Variants in PRKG1 observed in about 807,000 individuals in gnomAD.
The protein encoded by PRKG1 is protein kinase cGMP-dependent 1, also known as cGMP-dependent protein kinase 1.
Under a neutral mutation model 88.1 loss-of-function variants are expected in PRKG1, and 35 were observed. That is an observed-to-expected ratio of 0.40 (90% CI 0.30 to 0.53). The LOEUF is 0.53. PRKG1 is among the 20% of genes least tolerant of loss of function. PRKG1 has a pLI of 0.59. For missense variants in PRKG1, 540 were observed against 839.8 expected (o/e 0.64, Z 4.41); for synonymous variants, 303 against 292.5 (o/e 1.04, Z -0.37).
intron 10 of PRKG1, among the ~76,000 whole-genome samples, chr10:52,260,970 T>A (rs1234936428): frequency 6.6e-6 from 1 of 151,840 alleles, no homozygotes; most frequent in Non-Finnish European, 1.5e-5. Context: ...CAACCCTTTG[T>A]TCACAGTATA....
intron 5 of PRKG1, among the ~76,000 whole-genome samples, chr10:51,937,659 T>C (rs1418435360): frequency 6.6e-6 from 1 of 152,010 alleles, no homozygotes; most frequent in African/African-American, 2.4e-5. Context: ...GTTTTCCTTT[T>C]TATGTTAACT....
Position 51,994,328 on chromosome 10 carries a change from T to A in PRKG1, c.763-60156T>A, listed in dbSNP as rs146019868. 6.6e-3 allele frequency among the ~76,000 whole-genome samples: 1,012 copies of A among 152,284 alleles called. 11 individuals are homozygous for A. Among genetic ancestry groups the A allele is most frequent in the African/African-American group, 0.024 (981 of 41,572 alleles). The stretch of plus-strand genomic sequence containing the variant: ...TCAGATAAAACTACATTGATCAAGG[T>A]CTCCTCGTGGCCCTATATTGCTGAC... On this transcript the variant is annotated intron_variant, in intron 5 of 17. Transcript: ENST00000373980.
At chr10:51,164,599 C>T (rs1347306203) in intron 2 of PRKG1, among the ~76,000 whole-genome samples, 18 of 152,082 alleles carry the variant, frequency 1.2e-4, no homozygotes, top group African/African-American at 2.2e-4. Context: ...CAAACTACTC[C>T]GAGCTACAGG....
At chr10:51,698,361 C>A in intron 3 of PRKG1, 1 of 1,614,160 alleles carries the variant, frequency 6.2e-7, no homozygotes, top group African/African-American at 1.3e-5. Flanking sequence ...ATCATGGGGC[C>A]TCTGGGCTCT....
At chr10:51,283,719 G>GA (rs1042420569) in intron 2 of PRKG1, among the ~76,000 whole-genome samples, 1 of 151,974 alleles carries the variant, frequency 6.6e-6, no homozygotes, top group Non-Finnish European at 1.5e-5. Context: ...CACAAATAAA[G>GA]AAAAAATTAT....
intron 2 of PRKG1, among the ~76,000 whole-genome samples, chr10:51,409,281 T>A (rs1471666340): frequency 6.6e-5 from 10 of 152,166 alleles, no homozygotes; most frequent in Non-Finnish European, 1.5e-4. Flanking sequence ...AGGCCATCGA[T>A]GCAGGCTGGG....
At chr10:51,730,981 C>T (rs1375799795) in intron 3 of PRKG1, among the ~76,000 whole-genome samples, 1 of 152,068 alleles carries the variant, frequency 6.6e-6, no homozygotes, top group African/African-American at 2.4e-5. Context: ...CATGATGAAA[C>T]CCTGTCTCTA....
At chr10:51,966,387 A>AT (rs948351852) in intron 5 of PRKG1, among the ~76,000 whole-genome samples, 5 of 151,868 alleles carry the variant, frequency 3.3e-5, no homozygotes, top group Non-Finnish European at 5.9e-5. Flanking sequence ...TGAATTCAAC[A>AT]TTTTTTTGTG....
At chr10:51,182,337 A>C (rs1292913832) in intron 2 of PRKG1, among the ~76,000 whole-genome samples, 1 of 152,218 alleles carries the variant, frequency 6.6e-6, no homozygotes, top group African/African-American at 2.4e-5. Flanking sequence ...ATTATGCCTG[A>C]GAATGGATTT....
At chr10:51,575,806 C>A (rs1837871246) in intron 3 of PRKG1, among the ~76,000 whole-genome samples, 1 of 151,618 alleles carries the variant, frequency 6.6e-6, no homozygotes, top group Non-Finnish European at 1.5e-5. Flanking sequence ...TATATTAATT[C>A]TAATACACTA....
At chr10:51,219,649 G>T (rs1315357380) in intron 2 of PRKG1, among the ~76,000 whole-genome samples, 1 of 151,880 alleles carries the variant, frequency 6.6e-6, no homozygotes, top group Non-Finnish European at 1.5e-5. Flanking sequence ...GGCAGAGGTT[G>T]CAGTGAGCCA....
intron 3 of PRKG1, among the ~76,000 whole-genome samples, chr10:51,620,446 C>G (rs1251738229): frequency 6.6e-6 from 1 of 151,940 alleles, no homozygotes; most frequent in Non-Finnish European, 1.5e-5. Flanking sequence ...ATTCTTCCTG[C>G]CTCATTTTTG....
At chr10:51,610,060 G>A (rs79672948) in intron 3 of PRKG1, among the ~76,000 whole-genome samples, 3,915 of 152,178 alleles carry the variant, frequency 0.026, 90 homozygotes, top group African/African-American at 0.061. Flanking sequence ...ATTTTGCCAC[G>A]TGAATAGAAT....
intron 9 of PRKG1, among the ~76,000 whole-genome samples, chr10:52,201,827 G>A (rs2132778251): frequency 1.3e-5 from 2 of 152,180 alleles, no homozygotes; most frequent in Middle Eastern, 6.8e-3. Context: ...TACTGTGAAT[G>A]GGATTGCATT....
chr10:51,916,589 T>C (rs550304913), intron 5 of PRKG1, among the ~76,000 whole-genome samples: 29 of 152,324 alleles, frequency 1.9e-4, no homozygotes, highest in Middle Eastern at 3.4e-3. Flanking sequence ...CTTTCTTGTG[T>C]GATATCCAAG....
intron 1 of PRKG1, among the ~76,000 whole-genome samples, chr10:50,997,452 C>G (rs1238567920): frequency 6.7e-6 from 1 of 150,114 alleles, no homozygotes; most frequent in Non-Finnish European, 1.5e-5. Context: ...CAAAAGATGT[C>G]GTATCTTTTT....
intron 3 of PRKG1, among the ~76,000 whole-genome samples, chr10:51,770,549 GCA>G (rs1307512596): frequency 6.6e-6 from 1 of 152,202 alleles, no homozygotes; most frequent in Admixed American, 6.5e-5. Context: ...GAACCGGACT[GCA>G]CAGAGGAGGT....
chr10:51,935,062 A>G (rs886578043), intron 5 of PRKG1, among the ~76,000 whole-genome samples: 1 of 152,062 alleles, frequency 6.6e-6, no homozygotes, highest in Non-Finnish European at 1.5e-5. Flanking sequence ...AGGCTTCTCT[A>G]CTTGCTACTC....
chr10:51,389,523 A>C (rs1302978932), intron 2 of PRKG1, among the ~76,000 whole-genome samples: 2 of 152,148 alleles, frequency 1.3e-5, no homozygotes, highest in Non-Finnish European at 1.5e-5. Flanking sequence ...CCTGTCAGCC[A>C]CTAGGGGGCA....
Sources: allele counts gnomAD v4.1 joint callset (sites outside exome capture counted in the v4.1 genomes callset), GRCh38; gene constraint gnomAD v4.1.1; transcripts MANE v1.5; gene names NCBI Gene and HGNC (gene_info 2026-07-23, HGNC 2026-07-21).